GTF2A1L: variants seen among roughly 807,000 people sequenced by gnomAD.
GTF2A1L encodes general transcription factor IIA subunit 1 like, also known as TFIIA-alpha and beta-like factor.
Under a neutral mutation model 49.7 loss-of-function variants are expected in GTF2A1L, and 48 were observed. The observed-to-expected ratio is 0.97, with a 90% confidence interval of 0.77 to 1.23. GTF2A1L has a LOEUF of 1.23. GTF2A1L is among the 50% of genes most tolerant of loss of function. The pLI, the probability that GTF2A1L is intolerant of heterozygous loss-of-function variation, is 0.00. For missense variants in GTF2A1L, 736 were observed against 564.8 expected (o/e 1.30, Z -3.07); for synonymous variants, 246 against 193.5 (o/e 1.27, Z -2.25).
intron 3 of GTF2A1L, among the ~76,000 whole-genome samples, chr2:48,633,940 A>G (rs1036937325): frequency 3.3e-5 from 5 of 152,134 alleles, no homozygotes; most frequent in African/African-American, 4.8e-5. Flanking sequence ...TTATATAATA[A>G]TAGTGACCTC....
chr2:48,643,693 A>ATTTTTT (rs71399070), intron 4 of GTF2A1L, among the ~76,000 whole-genome samples: 3 of 120,780 alleles, frequency 2.5e-5, no homozygotes, highest in South Asian at 2.9e-4. Context: ...TATTAATACA[A>ATTTTTT]TTTTTTTTTT....
chr2:48,671,405 TG>T (rs1558772890), intron 7 of GTF2A1L, among the ~76,000 whole-genome samples, 185 bp from the exon 8 acceptor site: 2 of 152,122 alleles, frequency 1.3e-5, no homozygotes, highest in African/African-American at 2.4e-5. Context: ...GATTTCACCA[TG>T]TTGCCCAAGT....
In GTF2A1L at chr2:48,646,606, A is replaced by T; in HGVS notation, c.542A>T (p.Gln181Leu). 1 of 1,614,176 alleles carries T rather than the reference A, an allele frequency of 6.2e-7. No homozygotes were observed. The highest frequency in any genetic ancestry group is 8.5e-7 in the Non-Finnish European group (1 of 1,180,030). Reference protein sequence around the residue: ...SVPQLNPWSLQATTEKSQRIE... With the variant: ...SVPQLNPWSLLATTEKSQRIE... ...CCACAATTGAATCCATGGTCTCTTC[A>T]AGCAACTACTGAAAAATCACAGAGA... is the stretch of plus-strand genomic sequence containing the variant. The change falls in exon 6 of 9, where the codon CAA becomes CTA. Residue 181 changes from glutamine (Q) to leucine (L), a missense_variant. Transcript: ENST00000403751.
chr2:48,656,809 TA>T (rs908064143), intron 6 of GTF2A1L, among the ~76,000 whole-genome samples: 6 of 152,210 alleles, frequency 3.9e-5, no homozygotes, highest in African/African-American at 1.4e-4. Context: ...TGTTTTCCTC[TA>T]AGAGATTTAT....
At position 48,626,017 on chromosome 2, in the gene GTF2A1L, T is replaced by G. The variant is rs750821343; in HGVS notation, c.247+4727T>G. Among the ~76,000 whole-genome samples, 8 of 144,332 alleles carry G rather than the reference T, an allele frequency of 5.5e-5. 1 individual carries two copies. The highest frequency in any genetic ancestry group is 1.2e-4 in the Non-Finnish European group (8 of 64,042). The allele number at this position is 144,332 out of a possible 152,430, so 94.7% of individuals were successfully genotyped here. ...GGTTTAAGGTCTTATGGTTAGGTCTTTTGTCTATTTTGAATTGATTTTTAT... is the reference window on the plus strand; with the variant it reads ...GGTTTAAGGTCTTATGGTTAGGTCTGTTGTCTATTTTGAATTGATTTTTAT... On this transcript the variant is annotated intron_variant, in intron 3 of 8. Transcript: ENST00000403751.
intron 6 of GTF2A1L, among the ~76,000 whole-genome samples, chr2:48,654,257 A>T (rs1000239399): frequency 1.3e-5 from 2 of 152,118 alleles, no homozygotes; most frequent in African/African-American, 4.8e-5. Flanking sequence ...CCCGTATATT[A>T]TTTTGACTTC....
intron 3 of GTF2A1L, among the ~76,000 whole-genome samples, chr2:48,627,350 C>T (rs1676346074): frequency 7.0e-6 from 1 of 143,718 alleles, no homozygotes. Flanking sequence ...ATTGGTATAC[C>T]TTGCACTTTG....
chr2:48,642,926 A>C (rs747181250), intron 4 of GTF2A1L, among the ~76,000 whole-genome samples: 2 of 152,162 alleles, frequency 1.3e-5, no homozygotes, highest in Non-Finnish European at 2.9e-5. Context: ...AGATGTAATA[A>C]AACGCAGAAG....
At chr2:48,644,032 A>T (rs1677357932) in intron 4 of GTF2A1L, among the ~76,000 whole-genome samples, 1 of 152,082 alleles carries the variant, frequency 6.6e-6, no homozygotes, top group Admixed American at 6.6e-5. Context: ...TTAGCCAAGC[A>T]TGGTGGTGTG....
intron 6 of GTF2A1L, among the ~76,000 whole-genome samples, chr2:48,658,123 A>G (rs1678282601): frequency 6.6e-6 from 1 of 152,162 alleles, no homozygotes; most frequent in African/African-American, 2.4e-5. Flanking sequence ...TCACTTGTCA[A>G]TTATTGTTTT....
chr2:48,661,892 C>T (rs908372606), intron 6 of GTF2A1L, among the ~76,000 whole-genome samples: 5 of 152,116 alleles, frequency 3.3e-5, no homozygotes, highest in Admixed American at 6.5e-5. Flanking sequence ...AATTCATTTG[C>T]GTTTAGAGTA....
intron 5 of GTF2A1L, among the ~76,000 whole-genome samples, chr2:48,645,704 A>G (rs370314447): frequency 8.5e-5 from 13 of 152,336 alleles, no homozygotes; most frequent in African/African-American, 3.1e-4. Context: ...GCTGTAGTGC[A>G]GTGGCGCAAT....
intron 8 of GTF2A1L, among the ~76,000 whole-genome samples, chr2:48,676,997 A>G (rs1679503067): frequency 6.6e-6 from 1 of 151,766 alleles, no homozygotes; most frequent in African/African-American, 2.4e-5. Flanking sequence ...CCTAATGTTA[A>G]GACATGATTT....
In GTF2A1L at chr2:48,631,212, T is replaced by C. The variant is rs550344460; in HGVS notation, c.247+9922T>C. Among the ~76,000 whole-genome samples the C allele has an allele frequency of 2.0e-5, 3 of 152,312 alleles. No homozygotes were observed. The East Asian group carries it at 5.8e-4, about 29-fold the overall frequency. On this transcript the variant is annotated intron_variant, in intron 3 of 8. Coordinates refer to ENST00000403751, the MANE Select transcript of GTF2A1L (RefSeq NM_006872.5). The stretch of plus-strand genomic sequence containing the variant: ...ATATTTGGAATAGTATCAGCACTAC[T>C]TTGAACATCTGGTAGAATTCAGCTG...
chr2:48,641,779 T>C (rs1677210243), intron 3 of GTF2A1L, among the ~76,000 whole-genome samples: 1 of 152,156 alleles, frequency 6.6e-6, no homozygotes, highest in Non-Finnish European at 1.5e-5. Flanking sequence ...TGGTAGATAA[T>C]AAAGGAAAGA....
chr2:48,621,942 C>G (rs1411068589), intron 3 of GTF2A1L, among the ~76,000 whole-genome samples: 2 of 152,070 alleles, frequency 1.3e-5, no homozygotes, highest in African/African-American at 2.4e-5. Context: ...ATGCTTGATT[C>G]CTTTCTTTTT....
At chr2:48,677,283 G>A (rs1360627945) in intron 8 of GTF2A1L, among the ~76,000 whole-genome samples, 1 of 151,814 alleles carries the variant, frequency 6.6e-6, no homozygotes, top group East Asian at 1.9e-4. Context: ...AATAAAATTT[G>A]TTATTTTAAT....
chr2:48,664,435 C>G (rs943063202), intron 6 of GTF2A1L, among the ~76,000 whole-genome samples: 1 of 151,474 alleles, frequency 6.6e-6, no homozygotes, highest in East Asian at 1.9e-4. Flanking sequence ...TTTGAATGTT[C>G]AGCTTTCATT....
intron 3 of GTF2A1L, among the ~76,000 whole-genome samples, chr2:48,630,542 A>G (rs1293567398): frequency 1.4e-5 from 2 of 144,260 alleles, no homozygotes; most frequent in Non-Finnish European, 3.1e-5. Context: ...TTTTCTAGGT[A>G]TAAGACCATA....
Sources: gnomAD v4.1 joint callset for allele counts (sites outside exome capture counted in the v4.1 genomes callset) on GRCh38, gnomAD v4.1.1 for gene constraint, MANE v1.5 for transcripts, NCBI Gene and HGNC (gene_info 2026-07-23, HGNC 2026-07-21) for gene names.